PRKN: variants seen among roughly 807,000 people sequenced by gnomAD.
The protein encoded by PRKN is parkin RBR E3 ubiquitin protein ligase, also known as E3 ubiquitin-protein ligase parkin.
Under a neutral mutation model 59.5 loss-of-function variants are expected in PRKN, and 56 were observed. The ratio of observed to expected loss-of-function variants is 0.94; its 90% CI spans 0.76 to 1.18. The LOEUF is 1.18. PRKN is among the 50% of genes most tolerant of loss of function. The pLI, the probability that PRKN is intolerant of heterozygous loss-of-function variation, is 0.00. For synonymous variants in PRKN, 250 were observed against 222.1 expected (o/e 1.13, Z -1.12); for missense variants, 657 against 596.4 (o/e 1.10, Z -1.06).
rs528106583 is a variant in PRKN, at chr6:162,353,357, T to TA, written c.171+89952dup. ...GCAGCACAAAAATTACTGGAACTGCTAAAAAAAAAAAATGAAATTGAGTGC... is the reference window on the plus strand; with the variant it reads ...GCAGCACAAAAATTACTGGAACTGCTAAAAAAAAAAAAATGAAATTGAGTGC... On this transcript the variant is annotated intron_variant, in intron 2 of 11. Coordinates refer to ENST00000366898, the MANE Select transcript of PRKN (RefSeq NM_004562.3). Among the ~76,000 whole-genome samples the TA allele has an allele frequency of 5.8e-3, 830 of 143,114 alleles. 22 individuals are homozygous for TA. In the South Asian group the frequency reaches 0.074, roughly 13 times the overall value. 93.9% of individuals were successfully genotyped at this position (143,114 alleles called of 152,430 possible).
chr6:162,035,254 G>A (rs563407789), intron 5 of PRKN, among the ~76,000 whole-genome samples: 5 of 152,232 alleles, frequency 3.3e-5, no homozygotes, highest in African/African-American at 1.2e-4. Flanking sequence ...ATTACCTTGA[G>A]GAGGCACCAA....
chr6:161,970,684 T>C (rs1449007171), intron 6 of PRKN, among the ~76,000 whole-genome samples: 6 of 151,698 alleles, frequency 4.0e-5, no homozygotes, highest in Admixed American at 1.3e-4. Context: ...ACTACAGGCA[T>C]GTGCCACTAC....
intron 1 of PRKN, among the ~76,000 whole-genome samples, chr6:162,663,857 T>C (rs994908614): frequency 5.3e-5 from 8 of 152,142 alleles, no homozygotes; most frequent in African/African-American, 1.9e-4. Flanking sequence ...TTTGCTATAC[T>C]GGTGAAGCCC....
chr6:161,460,743 A>G lies in PRKN; in HGVS notation c.1084-73866T>C, dbSNP rs901539184. The stretch of plus-strand genomic sequence containing the variant: ...CTGTCAAGATCCCACACACCAACCA[A>G]GAGTTATCTTTTTTTTTTTTTTCTT... On this transcript the variant is annotated intron_variant, in intron 9 of 11. Transcript: ENST00000366898. The surrounding 1 kb of genome is among the most constrained non-coding windows in gnomAD (Gnocchi z 5.0). Among the ~76,000 whole-genome samples the G allele has an allele frequency of 4.6e-5, 7 of 150,892 alleles. No individual in the cohort carries two copies. The highest frequency in any genetic ancestry group is 1.7e-4 in the African/African-American group (7 of 41,012).
intron 4 of PRKN, among the ~76,000 whole-genome samples, chr6:162,186,234 C>T (rs1203079445): frequency 1.3e-5 from 2 of 151,874 alleles, no homozygotes; most frequent in African/African-American, 4.8e-5. Context: ...ACAAGAGATA[C>T]TATAAACCAA....
chr6:161,747,513 A>G (rs1023517268), intron 7 of PRKN, among the ~76,000 whole-genome samples: 2 of 152,214 alleles, frequency 1.3e-5, no homozygotes, highest in African/African-American at 4.8e-5. Flanking sequence ...GAACTGTCAT[A>G]GTATAAGAAA....
chr6:161,370,611 A>AAAAAAAAAG (rs1554253822), intron 10 of PRKN, among the ~76,000 whole-genome samples: 6 of 147,068 alleles, frequency 4.1e-5, no homozygotes, highest in African/African-American at 1.6e-4. Flanking sequence ...AAAAAAAAAA[A>AAAAAAAAAG]GCCGAATTAG....
chr6:161,591,272 T>G (rs1781715531), intron 7 of PRKN, among the ~76,000 whole-genome samples: 1 of 152,120 alleles, frequency 6.6e-6, no homozygotes, highest in Non-Finnish European at 1.5e-5. Context: ...GAGTCTAAAA[T>G]TACGTCAAAA....
chr6:162,476,800 AC>A (rs1792043431), intron 1 of PRKN, among the ~76,000 whole-genome samples: 1 of 152,164 alleles, frequency 6.6e-6, no homozygotes, highest in South Asian at 2.1e-4. Context: ...CGAATTGTTA[AC>A]CACCCACAAG....
intron 2 of PRKN, among the ~76,000 whole-genome samples, chr6:162,309,463 A>G (rs1782378192): frequency 6.6e-6 from 1 of 152,014 alleles, no homozygotes; most frequent in Non-Finnish European, 1.5e-5. Flanking sequence ...GAAAATCACA[A>G]CTCTATCCAG....
In PRKN at chr6:162,490,726, A is replaced by G. The variant is rs1018729104; in HGVS notation, c.8-47253T>C. On this transcript the variant is annotated intron_variant, in intron 1 of 11. Coordinates refer to ENST00000366898, the MANE Select transcript of PRKN (RefSeq NM_004562.3). ...CATTTCGTGAATGGACAACTTTCAC[A>G]TATCCACACTCTCAATGCCTACAAA... Among the ~76,000 whole-genome samples the G allele has an allele frequency of 2.6e-5, 4 of 152,208 alleles. No homozygotes were observed. In the South Asian group the frequency reaches 8.3e-4, roughly 32 times the overall value.
intron 6 of PRKN, among the ~76,000 whole-genome samples, chr6:161,854,427 T>C (rs555546236): frequency 2.6e-5 from 4 of 152,196 alleles, no homozygotes; most frequent in East Asian, 3.9e-4. Context: ...CCGCCAAAAA[T>C]GAAAGCTGCA....
At position 161,360,504 on chromosome 6, in the gene PRKN, T is replaced by A. The variant is rs1048542594; in HGVS notation, c.1168-299A>T. On this transcript the variant is annotated intron_variant, in intron 10 of 11. Transcript: ENST00000366898. This position sits in a 1 kb window ranked among gnomAD's most constrained non-coding sequence, Gnocchi z 5.1. ...AATAACACCTATCAGGTGCTTAAAA[T>A]GCAGGCAAGGTGATCAATGCTCAAA... Among the ~76,000 whole-genome samples the A allele has an allele frequency of 6.6e-6, 1 of 152,224 alleles. No homozygotes were observed. Among genetic ancestry groups the A allele is most frequent in the Admixed American group, 6.5e-5 (1 of 15,278 alleles).
Position 161,419,779 on chromosome 6 carries a change from G to A in PRKN, c.1084-32902C>T, listed in dbSNP as rs1378269193. ...GTTCAGTTCTAGTCCTCCTACTTCC[G>A]ACTGATAGTGGCTCTGAGTAGTTCA... On this transcript the variant is annotated intron_variant, in intron 9 of 11. Transcript: ENST00000366898. The surrounding 1 kb of genome is among the most constrained non-coding windows in gnomAD (Gnocchi z 4.1). Among the ~76,000 whole-genome samples the A allele has an allele frequency of 6.6e-6, 1 of 152,028 alleles. No individual in the cohort carries two copies. Among genetic ancestry groups the A allele is most frequent in the Non-Finnish European group, 1.5e-5 (1 of 68,008 alleles).
intron 4 of PRKN, among the ~76,000 whole-genome samples, chr6:162,191,819 C>G (rs182385325): frequency 6.6e-5 from 10 of 152,280 alleles, no homozygotes; most frequent in Admixed American, 6.5e-4. Context: ...AGAATTGATG[C>G]CTTGATGCTC....
intron 7 of PRKN, among the ~76,000 whole-genome samples, chr6:161,725,340 T>C (rs192929420): frequency 6.2e-4 from 94 of 152,284 alleles, no homozygotes; most frequent in African/African-American, 2.1e-3. Context: ...CATAAATTGA[T>C]TGAAGGCAGT....
chr6:161,431,197 T>A (rs1000297694), intron 9 of PRKN, among the ~76,000 whole-genome samples: 13 of 152,012 alleles, frequency 8.6e-5, no homozygotes, highest in Non-Finnish European at 1.8e-4. Flanking sequence ...GTATTTAATG[T>A]GAGCAATTAT....
chr6:161,537,686 C>CCTTAGCACTTTGGGAGGCTAAG (rs1407426830), intron 9 of PRKN, among the ~76,000 whole-genome samples: 4 of 152,094 alleles, frequency 2.6e-5, no homozygotes, highest in Non-Finnish European at 5.9e-5. Flanking sequence ...CTCCTGACCT[C>CCTTAGCACTTTGGGAGGCTAAG]GTGATCCGCC....
chr6:162,520,589 C>T (rs148587037), intron 1 of PRKN, among the ~76,000 whole-genome samples: 289 of 152,216 alleles, frequency 1.9e-3, no homozygotes, highest in Non-Finnish European at 3.3e-3. Flanking sequence ...AATATTATTA[C>T]AAACCAATGA....
Sources: allele counts gnomAD v4.1 joint callset (sites outside exome capture counted in the v4.1 genomes callset), GRCh38; gene constraint gnomAD v4.1.1; non-coding constraint Gnocchi (gnomAD v3.1); transcripts MANE v1.5; gene names NCBI Gene and HGNC (gene_info 2026-07-23, HGNC 2026-07-21).